The following FGGY variants were observed in gnomAD, a reference collection of about 807,000 sequenced individuals.
FGGY encodes FGGY carbohydrate kinase domain containing.
In FGGY, 72 loss-of-function variants were observed where a neutral mutation model predicts 71.3. The ratio of observed to expected loss-of-function variants is 1.01; its 90% confidence interval spans 0.84 to 1.23. The LOEUF (loss-of-function observed/expected upper bound fraction) is 1.23. FGGY is among the 50% of genes most tolerant of loss of function. The pLI is 0.00. For missense variants in FGGY, 668 were observed against 682.3 expected, an observed-to-expected ratio of 0.98 and a Z score of 0.23; for synonymous variants, 251 against 250.3, an observed-to-expected ratio of 1.00 and a Z score of -0.02.
chr1:59,506,667 C>T (rs1033998561), intron 6 of FGGY, among the ~76,000 whole-genome samples: 7 of 152,114 alleles, frequency 4.6e-5, no homozygotes, highest in South Asian at 2.1e-4. Context: ...GCCGTGCTGG[C>T]GTGTGCCCGT....
intron 11 of FGGY, among the ~76,000 whole-genome samples, chr1:59,638,721 A>C (rs1345683635): frequency 6.6e-6 from 1 of 152,254 alleles, no homozygotes; most frequent in African/African-American, 2.4e-5. Context: ...CCAGTAAATC[A>C]GTAGTAAATA....
chr1:59,542,879 G>C (rs1256083835), intron 7 of FGGY, among the ~76,000 whole-genome samples: 1 of 152,108 alleles, frequency 6.6e-6, no homozygotes, highest in East Asian at 1.9e-4. Flanking sequence ...CAAAGTCAGT[G>C]CCCTCCCTCA....
chr1:59,358,486 C>T (rs930525669), intron 4 of FGGY, among the ~76,000 whole-genome samples: 5 of 152,090 alleles, frequency 3.3e-5, no homozygotes, highest in East Asian at 1.9e-4. Context: ...AGCCATTACC[C>T]GCCCTGCCAC....
In FGGY at chr1:59,510,780, G is replaced by A. The variant is rs183530171; in HGVS notation, c.671-1531G>A. On this transcript the variant is annotated intron_variant, in intron 6 of 15. Transcript: ENST00000303721. ...TTTCCAGATGAAATCTTTGATATCT[G>A]GTGTGTATTTTCCGCTTAACACCTC... Among the ~76,000 whole-genome samples, 537 of 152,210 alleles carry A rather than the reference G, an allele frequency of 3.5e-3. 6 individuals are homozygous for A. The highest frequency in any genetic ancestry group is 0.012 in the African/African-American group (513 of 41,520).
chr1:59,553,936 G>A, intron 7 of FGGY, 188 bp from the exon 8 acceptor site: 1 of 452,568 alleles, frequency 2.2e-6, no homozygotes, highest in Admixed American at 3.7e-5. Flanking sequence ...ATCTGAGCAG[G>A]CTTCCGAGGT....
chr1:59,328,497 A>G (rs1012513859), intron 2 of FGGY, among the ~76,000 whole-genome samples: 4 of 152,166 alleles, frequency 2.6e-5, no homozygotes, highest in Non-Finnish European at 4.4e-5. Flanking sequence ...TTGATCTTCT[A>G]TCTAGACCAC....
chr1:59,589,690 G>A (rs11584775), intron 8 of FGGY, among the ~76,000 whole-genome samples: 7 of 152,056 alleles, frequency 4.6e-5, no homozygotes, highest in African/African-American at 1.7e-4. Context: ...AATGACTACT[G>A]GGTACATAAT....
At position 59,757,977 on chromosome 1, in the gene FGGY, G is replaced by C. The variant is rs2098308648; in HGVS notation, c.1559G>C (p.Arg520Thr). ...MSKVGKVVFPRLQDKKYYDKK... is the reference protein window; with the variant it reads ...MSKVGKVVFPTLQDKKYYDKK... Reference sequence around the variant, plus strand: ...AAAGTTGGGAAAGTTGTGTTCCCGAGACTACAGGATAAAAAGTAAGTGTGT... The same window carrying C: ...AAAGTTGGGAAAGTTGTGTTCCCGACACTACAGGATAAAAAGTAAGTGTGT... The change falls in exon 15 of 16, where the codon AGA becomes ACA. Residue 520 changes from arginine to threonine, a missense_variant. Physicochemically the swap from Arg to Thr is moderately conservative, Grantham distance 71. This residue lies in a region of FGGY where 661 missense variants were observed against 661.6 expected (regional missense o/e 1.00). Transcript: ENST00000303721. 1.2e-6 allele frequency: 2 copies of C among 1,612,748 alleles called. No individual in the cohort carries two copies. Among genetic ancestry groups the C allele is most frequent in the Non-Finnish European group, 1.7e-6 (2 of 1,179,212 alleles).
chr1:59,647,483 G>C (rs1424420692), intron 11 of FGGY, among the ~76,000 whole-genome samples: 1 of 152,254 alleles, frequency 6.6e-6, no homozygotes, highest in Admixed American at 6.5e-5. Flanking sequence ...TTCTCTTACA[G>C]TTCTTCAGGT....
At chr1:59,638,521 G>C in intron 11 of FGGY, 146 bp downstream of exon 11, 1 of 900,482 alleles carries the variant, frequency 1.1e-6, no homozygotes, top group Non-Finnish European at 1.7e-6. Context: ...TGCTGTTGCT[G>C]CTCCCTGGGA....
At chr1:59,499,299 G>GTTTTTTTTTGTTT (rs1553249152) in intron 6 of FGGY, among the ~76,000 whole-genome samples, 1 of 105,804 alleles carries the variant, frequency 9.5e-6, no homozygotes, top group Non-Finnish European at 1.8e-5. Context: ...TACTATGTTT[G>GTTTTTTTTTGTTT]TTTTTTTTTT....
intron 11 of FGGY, among the ~76,000 whole-genome samples, chr1:59,650,294 T>C (rs1023463940): frequency 7.0e-6 from 1 of 142,526 alleles, no homozygotes; most frequent in Non-Finnish European, 1.5e-5. Flanking sequence ...TTCCGTCTTT[T>C]CTATTGATTG....
intron 6 of FGGY, among the ~76,000 whole-genome samples, chr1:59,472,224 G>A (rs573345713): frequency 6.9e-4 from 105 of 152,278 alleles, no homozygotes; most frequent in African/African-American, 2.3e-3. Flanking sequence ...CACTTGGAGC[G>A]GTCGGCCGGC....
intron 11 of FGGY, among the ~76,000 whole-genome samples, chr1:59,644,623 C>A (rs953217524): frequency 6.6e-6 from 1 of 151,902 alleles, no homozygotes; most frequent in African/African-American, 2.4e-5. Flanking sequence ...ACACGCCCCC[C>A]CCCACCCAAA....
chr1:59,481,391 C>T (rs2093461551), intron 6 of FGGY, among the ~76,000 whole-genome samples: 1 of 152,112 alleles, frequency 6.6e-6, no homozygotes, highest in African/African-American at 2.4e-5. Context: ...GAGCCCCATC[C>T]AACCTGGGTC....
intron 4 of FGGY, among the ~76,000 whole-genome samples, chr1:59,372,353 A>G (rs1304372835): frequency 6.6e-6 from 1 of 152,222 alleles, no homozygotes; most frequent in Non-Finnish European, 1.5e-5. Context: ...CCCAAGACTA[A>G]ACCAGGAAGA....
At chr1:59,375,680 G>A (rs141203517) in intron 4 of FGGY, among the ~76,000 whole-genome samples, 1 of 152,156 alleles carries the variant, frequency 6.6e-6, no homozygotes, top group Non-Finnish European at 1.5e-5. Context: ...GATTGGTGAC[G>A]GTTAGTGTGG....
chr1:59,361,251 T>C (rs759731256), intron 4 of FGGY, among the ~76,000 whole-genome samples: 5 of 152,194 alleles, frequency 3.3e-5, no homozygotes, highest in Non-Finnish European at 5.9e-5. Flanking sequence ...TGTTAAATAT[T>C]GGGAATATAG....
intron 5 of FGGY, among the ~76,000 whole-genome samples, chr1:59,432,992 C>T (rs1363709790): frequency 6.6e-6 from 1 of 152,254 alleles, no homozygotes; most frequent in Admixed American, 6.5e-5. Flanking sequence ...GATTACCTCT[C>T]CCACAAGATT....
Sources: gnomAD v4.1 joint callset for allele counts (sites outside exome capture counted in the v4.1 genomes callset) on GRCh38, gnomAD v4.1.1 for gene constraint, gnomAD v4.1.1 regional missense constraint, MANE v1.5 for transcripts, NCBI Gene and HGNC (gene_info 2026-07-23, HGNC 2026-07-21) for gene names.